The following CYP19A1 variants were observed in gnomAD, a reference collection of about 807,000 sequenced individuals.
The protein encoded by CYP19A1 is aromatase.
A neutral mutation model predicts 44.4 loss-of-function variants in CYP19A1; 32 were observed. The ratio of observed to expected loss-of-function variants is 0.72; its 90% CI spans 0.54 to 0.97. The LOEUF (loss-of-function observed/expected upper bound fraction) is 0.97. Ranked by LOEUF, CYP19A1 falls within the 50% of genes least tolerant of loss-of-function variation. The pLI is 0.00. For synonymous variants in CYP19A1, 212 were observed against 215.6 expected (o/e 0.98, Z 0.14); for missense variants, 598 against 637.8 (o/e 0.94, Z 0.67).
In CYP19A1 at chr15:51,244,053, C is replaced by G. The variant is rs779230783; in HGVS notation, c.-38-1103G>C. 8.8e-4 allele frequency among the ~76,000 whole-genome samples: 134 copies of G among 152,210 alleles called. 1 individual carries two copies. The highest frequency in any genetic ancestry group is 2.0e-3 in the Admixed American group (30 of 15,282). On this transcript the variant is annotated intron_variant, in intron 1 of 9. Coordinates refer to ENST00000396402, the MANE Select transcript of CYP19A1 (RefSeq NM_000103.4). ...CTAGAGTTTCTGTGACTTGCAATGG[C>G]TCTCAATCAGACTTGTGCTGGGTTT...
chr15:51,257,265 T>C (rs2034550386), intron 1 of CYP19A1, among the ~76,000 whole-genome samples: 1 of 152,200 alleles, frequency 6.6e-6, no homozygotes, highest in Admixed American at 6.5e-5. Context: ...GGCTTGGCAA[T>C]ATTAGGTAAC....
At chr15:51,316,130 G>A (rs1340428160) in intron 1 of CYP19A1, 4 of 152,176 alleles carry the variant, frequency 2.6e-5, no homozygotes, top group Admixed American at 6.5e-5. Flanking sequence ...GTAGTAAAAT[G>A]TGGTAAGGTA....
chr15:51,251,999 C>G (rs1172609416), intron 1 of CYP19A1, among the ~76,000 whole-genome samples: 1 of 152,162 alleles, frequency 6.6e-6, no homozygotes, highest in Non-Finnish European at 1.5e-5. Context: ...TACCCTTTGT[C>G]TTAGCTGCCC....
Position 51,212,497 on chromosome 15 carries a change from C to G in CYP19A1, c.1086G>C (p.Glu362Asp), listed in dbSNP as rs758613835. Reference sequence around the variant, plus strand: ...CCACGACAGGCTGGTACCGCATGCTCTCATAAATGAAGTTTTCCATCACTT... The same window carrying G: ...CCACGACAGGCTGGTACCGCATGCTGTCATAAATGAAGTTTTCCATCACTT... ...KLKVMENFIYESMRYQPVVDL... is the reference protein window; with the variant it reads ...KLKVMENFIYDSMRYQPVVDL... Residue 362 changes from glutamate (E) to aspartate (D), a missense_variant, in exon 9 of 10, where the codon GAG (glutamate) becomes GAC (aspartate). Transcript: ENST00000396402. 3 of 1,587,480 alleles carry G rather than the reference C, an allele frequency of 1.9e-6. No individual in the cohort carries two copies. Among genetic ancestry groups the G allele is most frequent in the Non-Finnish European group, 2.6e-6 (3 of 1,155,880 alleles).
intron 1 of CYP19A1, among the ~76,000 whole-genome samples, chr15:51,282,809 G>A (rs2035570358): frequency 1.3e-5 from 2 of 152,232 alleles, no homozygotes; most frequent in Admixed American, 1.3e-4. Context: ...TGGTGGGAAA[G>A]CTGAGGGCTC....
chr15:51,274,381 C>T (rs1323174422), intron 1 of CYP19A1, among the ~76,000 whole-genome samples: 2 of 152,224 alleles, frequency 1.3e-5, no homozygotes, highest in African/African-American at 4.8e-5. Flanking sequence ...ATAGATATCC[C>T]TGAGTGGGGA....
At chr15:51,215,315 C>A in intron 7 of CYP19A1, 83 bp from the exon 8 acceptor site, 1 of 1,582,136 alleles carries the variant, frequency 6.3e-7, no homozygotes, top group Non-Finnish European at 8.7e-7. Context: ...CAAGGATCAA[C>A]AACCTCAACA....
At chr15:51,302,145 C>T (rs1005491668) in intron 1 of CYP19A1, among the ~76,000 whole-genome samples, 1 of 152,088 alleles carries the variant, frequency 6.6e-6, no homozygotes, top group African/African-American at 2.4e-5. Context: ...TTTTTTTCAC[C>T]TCTACCTGCC....
intron 1 of CYP19A1, among the ~76,000 whole-genome samples, chr15:51,271,546 C>A (rs2035127588): frequency 1.3e-5 from 2 of 152,202 alleles, no homozygotes; most frequent in African/African-American, 2.4e-5. Context: ...AAGATCTAAA[C>A]CTTGTTGACA....
intron 5 of CYP19A1, chr15:51,221,978 TA>T (rs2032124461): frequency 2.1e-5 from 8 of 373,248 alleles, no homozygotes; most frequent in Non-Finnish European, 3.9e-5. Flanking sequence ...TGTATATATG[TA>T]TGTATATATC....
rs566718253 is a variant in CYP19A1, at chr15:51,217,688, G to A, written c.743+853C>T. Among the ~76,000 whole-genome samples the A allele has an allele frequency of 1.9e-4, 29 of 152,276 alleles. No individual in the cohort carries two copies. In the South Asian group the frequency reaches 6.0e-3, roughly 32 times the overall value. On this transcript the variant is annotated intron_variant, in intron 6 of 9. Transcript: ENST00000396402. ...GGAAGATATGAACACAGGAAAGGGAGAAACTAACATATTTAGTACCCTCTA... is the reference window on the plus strand; with the variant it reads ...GGAAGATATGAACACAGGAAAGGGAAAAACTAACATATTTAGTACCCTCTA...
chr15:51,237,688 T>C (rs944092409), intron 2 of CYP19A1, among the ~76,000 whole-genome samples: 4 of 152,236 alleles, frequency 2.6e-5, no homozygotes, highest in African/African-American at 7.2e-5. Flanking sequence ...TTGAGTCCCA[T>C]GATCTGGTTT....
intron 1 of CYP19A1, among the ~76,000 whole-genome samples, chr15:51,308,239 C>G (rs1300307272): frequency 6.6e-6 from 1 of 152,108 alleles, no homozygotes; most frequent in Non-Finnish European, 1.5e-5. Flanking sequence ...TGGGTCAGAG[C>G]CAGCAATGAG....
chr15:51,293,935 G>T lies in CYP19A1; in HGVS notation c.-39+44560C>A. ...CCTCCACCTCCCAGCCGCCTGCCTT[G>T]GCCTCCCAATGTGCCAAGACTGCAG... On this transcript the variant is annotated intron_variant, in intron 1 of 9. Transcript: ENST00000396402. 1.4e-5 allele frequency: 3 copies of T among 215,120 alleles called. No individual in the cohort carries two copies. In the South Asian group the frequency reaches 1.9e-4, roughly 14 times the overall value. The allele number at this position is 215,120 out of a possible 1,614,324, so 13.3% of individuals were successfully genotyped here. A position where few individuals can be genotyped will look rare whatever the true frequency, so the allele number is the denominator to read the frequency against.
intron 1 of CYP19A1, among the ~76,000 whole-genome samples, chr15:51,306,803 T>C (rs2036224203): frequency 6.6e-6 from 1 of 152,098 alleles, no homozygotes; most frequent in Admixed American, 6.5e-5. Flanking sequence ...AAAGGTGGAA[T>C]TGCTAAGGAG....
chr15:51,308,697 A>G (rs948392275), intron 1 of CYP19A1, among the ~76,000 whole-genome samples: 2 of 152,146 alleles, frequency 1.3e-5, no homozygotes, highest in Non-Finnish European at 2.9e-5. Context: ...TAAACTAGAT[A>G]AACAGAACCC....
chr15:51,262,653 C>T (rs557110677), intron 1 of CYP19A1, among the ~76,000 whole-genome samples: 26 of 152,278 alleles, frequency 1.7e-4, no homozygotes, highest in African/African-American at 1.9e-4. Flanking sequence ...TATTGATATA[C>T]GATTTCCCCA....
chr15:51,285,228 G>T (rs189775343), intron 1 of CYP19A1, among the ~76,000 whole-genome samples: 4 of 152,238 alleles, frequency 2.6e-5, no homozygotes, highest in Admixed American at 2.0e-4. Flanking sequence ...ATTCAGCATG[G>T]ACCTTCATCC....
At chr15:51,299,937 G>A (rs1463080858) in intron 1 of CYP19A1, among the ~76,000 whole-genome samples, 1 of 152,206 alleles carries the variant, frequency 6.6e-6, no homozygotes, top group Non-Finnish European at 1.5e-5. Context: ...AGGAGAGGTA[G>A]GATTTCACTG....
Sources: allele counts gnomAD v4.1 joint callset (sites outside exome capture counted in the v4.1 genomes callset), GRCh38; gene constraint gnomAD v4.1.1; transcripts MANE v1.5; gene names NCBI Gene and HGNC (gene_info 2026-07-23, HGNC 2026-07-21).